The following TNS3 variants were observed in gnomAD, a reference collection of about 807,000 sequenced individuals.
TNS3 encodes the protein tensin-3.
Under a neutral mutation model 140.9 loss-of-function variants are expected in TNS3, and 45 were observed. That is an observed-to-expected ratio of 0.32 (90% CI 0.25 to 0.41). The LOEUF (loss-of-function observed/expected upper bound fraction) is 0.41, where lower values mean the gene tolerates loss of function less well. Ranked by LOEUF, TNS3 falls within the 10% of genes least tolerant of loss-of-function variation. The pLI, the probability that TNS3 is intolerant of heterozygous loss-of-function variation, is 1.00. For missense variants in TNS3, 1,716 were observed against 1,906.7 expected (o/e 0.90, Z 1.86); for synonymous variants, 815 against 788.4 (o/e 1.03, Z -0.56).
intron 4 of TNS3, among the ~76,000 whole-genome samples, chr7:47,444,521 G>A (rs529127142): frequency 6.6e-6 from 1 of 152,320 alleles, no homozygotes; most frequent in African/African-American, 2.4e-5. Flanking sequence ...CGGCACCAAC[G>A]TGATGGGGTA....
chr7:47,294,738 A>G (rs911540844), intron 24 of TNS3, among the ~76,000 whole-genome samples: 1 of 152,264 alleles, frequency 6.6e-6, no homozygotes. Context: ...AGCATTTCAC[A>G]AGGGCAGTAA....
chr7:47,532,496 G>A (rs1196600914), intron 1 of TNS3, among the ~76,000 whole-genome samples: 1 of 146,724 alleles, frequency 6.8e-6, no homozygotes, highest in Non-Finnish European at 1.5e-5. Flanking sequence ...GACCTGCAGA[G>A]ATGTTGGGAC....
chr7:47,478,853 A>G (rs943709776), intron 4 of TNS3, among the ~76,000 whole-genome samples: 19 of 152,012 alleles, frequency 1.2e-4, no homozygotes, highest in African/African-American at 4.6e-4. Context: ...TACATGCATA[A>G]CATGCATGTC....
At chr7:47,364,506 T>C (rs1204044092) in intron 17 of TNS3, among the ~76,000 whole-genome samples, 1 of 152,188 alleles carries the variant, frequency 6.6e-6, no homozygotes, top group Non-Finnish European at 1.5e-5. Flanking sequence ...GGTCTTGAAC[T>C]CCTGACCTCA....
At position 47,424,136 on chromosome 7, in the gene TNS3, G is replaced by A. The variant is rs369602170; in HGVS notation, c.438C>T (p.Asp146=). ...AAGGCTGCATTAAAGCTGAAACTTT[G>A]TCATCATAAAACTTCTTCATTGCAA... is the stretch of plus-strand genomic sequence containing the variant. ...DRFAMKKFYD[D]KVSALMQPSQ... The change falls in exon 10 of 31, where the codon GAC becomes GAT. Residue 146 remains aspartate (D), a synonymous_variant. Transcript: ENST00000311160. 9.4e-5 allele frequency: 152 copies of A among 1,614,036 alleles called. No individual in the cohort carries two copies. In the African/African-American group the frequency reaches 1.7e-3, roughly 18 times the overall value.
intron 20 of TNS3, among the ~76,000 whole-genome samples, chr7:47,325,635 A>T (rs1241740794): frequency 6.6e-6 from 1 of 152,178 alleles, no homozygotes; most frequent in Non-Finnish European, 1.5e-5. Flanking sequence ...CTGTAAACTC[A>T]TTCTGTTTAC....
intron 4 of TNS3, among the ~76,000 whole-genome samples, chr7:47,442,335 G>A (rs531057053): frequency 6.6e-6 from 1 of 152,338 alleles, no homozygotes; most frequent in African/African-American, 2.4e-5. Flanking sequence ...GGCATCGCTT[G>A]GCCTGCAAAC....
chr7:47,567,071 T>C (rs1242854690), intron 1 of TNS3, among the ~76,000 whole-genome samples: 1 of 149,324 alleles, frequency 6.7e-6, no homozygotes, highest in African/African-American at 2.5e-5. Context: ...CATCTCTTAA[T>C]GTGAGGCAAG....
In TNS3 at chr7:47,556,673, A is replaced by AG. The variant is rs1414809963; in HGVS notation, c.-265+25377dup. The stretch of plus-strand genomic sequence containing the variant: ...TACATCTGAGTCACACTCTGGGGGC[A>AG]GGGGCGAGTGAAGCTTCCCAAGCTG... On this transcript the variant is annotated intron_variant, in intron 1 of 30. Transcript: ENST00000311160. 3.3e-5 allele frequency among the ~76,000 whole-genome samples: 5 copies of AG among 152,316 alleles called. No individual in the cohort carries two copies. The East Asian group carries it at 9.6e-4, about 29-fold the overall frequency.
At chr7:47,432,415 G>A (rs898796070) in intron 8 of TNS3, among the ~76,000 whole-genome samples, 5 of 152,130 alleles carry the variant, frequency 3.3e-5, no homozygotes, top group African/African-American at 1.2e-4. Flanking sequence ...CTCACCAGAC[G>A]CAGCCCCTTG....
chr7:47,447,437 A>G (rs1399264867), intron 4 of TNS3, among the ~76,000 whole-genome samples: 1 of 152,130 alleles, frequency 6.6e-6, no homozygotes. Flanking sequence ...CACAGGCTCC[A>G]CATCAGGCAG....
In TNS3 at chr7:47,411,757, C is replaced by T. The variant is rs766240555; in HGVS notation, c.693G>A (p.Glu231=). ...ENPSRICIVI[E]PAQLLKGDVM... ...CATCTCCCTTCAGAAGCTGGGCCGG[C>T]TCGATGACGATGCAGATCCTGCTGG... is the stretch of plus-strand genomic sequence containing the variant. Residue 231 remains glutamate (E), a synonymous_variant, in exon 13 of 31, where the codon GAG becomes GAA. Transcript: ENST00000311160. 2.5e-5 allele frequency: 40 copies of T among 1,612,980 alleles called. No individual in the cohort carries two copies. Among genetic ancestry groups the T allele is most frequent in the Middle Eastern group, 1.6e-4 (1 of 6,084 alleles).
chr7:47,305,383 G>C (rs1183386571), intron 20 of TNS3, among the ~76,000 whole-genome samples: 1 of 152,222 alleles, frequency 6.6e-6, no homozygotes, highest in African/African-American at 2.4e-5. Flanking sequence ...CCATGATCTA[G>C]GCTGCACCTC....
At chr7:47,382,840 G>C (rs1042770766) in intron 16 of TNS3, among the ~76,000 whole-genome samples, 2 of 152,200 alleles carry the variant, frequency 1.3e-5, no homozygotes, top group Non-Finnish European at 2.9e-5. Flanking sequence ...CTGCATATAA[G>C]TGGACTCACA....
At chr7:47,357,826 A>G (rs1416835693) in intron 17 of TNS3, among the ~76,000 whole-genome samples, 1 of 152,244 alleles carries the variant, frequency 6.6e-6, no homozygotes, top group East Asian at 1.9e-4. Flanking sequence ...ACTGAAGTCC[A>G]TGGCTAGGTG....
At chr7:47,534,135 G>T (rs530814388) in intron 1 of TNS3, among the ~76,000 whole-genome samples, 2 of 151,952 alleles carry the variant, frequency 1.3e-5, no homozygotes, top group African/African-American at 2.4e-5. Flanking sequence ...TTAGCTGGGC[G>T]TGGTGGCGGG....
At chr7:47,548,882 C>A (rs1182348327) in intron 1 of TNS3, among the ~76,000 whole-genome samples, 1 of 152,216 alleles carries the variant, frequency 6.6e-6, no homozygotes, top group African/African-American at 2.4e-5. Flanking sequence ...TTCTCCCCAA[C>A]ATGTCCTCCC....
At chr7:47,503,051 G>T (rs1798285408) in intron 3 of TNS3, among the ~76,000 whole-genome samples, 1 of 152,138 alleles carries the variant, frequency 6.6e-6, no homozygotes, top group Non-Finnish European at 1.5e-5. Flanking sequence ...GGGACCCTGT[G>T]CAGGGCATCT....
intron 23 of TNS3, among the ~76,000 whole-genome samples, chr7:47,297,785 G>GTTTTT (rs768611066): frequency 7.3e-6 from 1 of 136,296 alleles, no homozygotes; most frequent in Non-Finnish European, 1.6e-5. Context: ...AAGGAAAGAA[G>GTTTTT]TTTTTTTTTT....
Sources: allele counts gnomAD v4.1 joint callset (sites outside exome capture counted in the v4.1 genomes callset), GRCh38; gene constraint gnomAD v4.1.1; transcripts MANE v1.5; gene names NCBI Gene and HGNC (gene_info 2026-07-23, HGNC 2026-07-21).